Variants in CDHR3 observed in about 807,000 individuals in gnomAD.
The protein encoded by CDHR3 is cadherin-related family member 3.
A neutral mutation model predicts 86.6 loss-of-function variants in CDHR3; 79 were observed. That is an observed-to-expected ratio of 0.91 (90% confidence interval 0.76 to 1.10). CDHR3 has a LOEUF of 1.10. Among genes scored for constraint, CDHR3 ranks in the 50% least tolerant of loss-of-function variants. CDHR3 has a pLI of 0.00. For synonymous variants in CDHR3, 421 were observed against 402.4 expected (o/e 1.05, Z -0.55); for missense variants, 1,081 against 1,077.6 (o/e 1.00, Z -0.04).
At chr7:106,004,710 G>A (rs1268104817) in intron 8 of CDHR3, 23 bp downstream of exon 8, 1 of 1,612,976 alleles carries the variant, frequency 6.2e-7, no homozygotes, top group Non-Finnish European at 8.5e-7. Context: ...TGAAAGTTGG[G>A]CTGGACATTC....
chr7:106,022,509 T>C lies in CDHR3; in HGVS notation c.2076+61T>C, dbSNP rs1002879952. 1.3e-5 allele frequency: 20 copies of C among 1,575,626 alleles called. No individual in the cohort carries two copies. The Middle Eastern group carries it at 3.1e-3, about 245-fold the overall frequency. On this transcript the variant is annotated intron_variant, in intron 14 of 18. Transcript: ENST00000317716. ...TCCCTTGTGAGTTATGTTGATGGAC[T>C]TCTTTCCCCGGCCTGGAGGTATGTG...
chr7:106,026,591 C>A, intron 15 of CDHR3, 91 bp from the exon 16 acceptor site: 1 of 1,343,038 alleles, frequency 7.4e-7, no homozygotes, highest in Non-Finnish European at 1.1e-6. Flanking sequence ...TCTCAAAGGG[C>A]ATAGTTGCCC....
At chr7:106,026,640 T>C (rs911369551) in intron 15 of CDHR3, 42 bp from the exon 16 acceptor site, 1 of 1,610,144 alleles carries the variant, frequency 6.2e-7, no homozygotes, top group African/African-American at 1.3e-5. Context: ...CAGTGCAGCA[T>C]ACTTTCAAGT....
intron 4 of CDHR3, among the ~76,000 whole-genome samples, chr7:105,988,904 G>A (rs930013196): frequency 6.6e-6 from 1 of 152,146 alleles, no homozygotes; most frequent in African/African-American, 2.4e-5. Context: ...GAGATATTTT[G>A]CCTTCTTTTT....
Position 106,020,429 on chromosome 7 carries a change from T to C in CDHR3, c.1710T>C (p.Ser570=). 1 of 1,613,988 alleles carries C rather than the reference T, an allele frequency of 6.2e-7. No homozygotes were observed. Among genetic ancestry groups the C allele is most frequent in the South Asian group, 1.1e-5 (1 of 91,080 alleles). ...AAAAGCCAATTTGTACTCCAAACTC[T>C]TATTTCCTGGCCCTCCCAGTGGATC... ...NDEKPICTPN[S]YFLALPVDLK... is the part of the protein sequence containing the mutation. Residue 570 remains serine, a synonymous_variant, in exon 13 of 19, where the codon TCT becomes TCC. Coordinates refer to ENST00000317716, the MANE Select transcript of CDHR3 (RefSeq NM_152750.5).
chr7:105,998,955 G>T (rs1385072686), intron 6 of CDHR3, among the ~76,000 whole-genome samples: 1 of 152,080 alleles, frequency 6.6e-6, no homozygotes, highest in East Asian at 1.9e-4. Flanking sequence ...TTTCCACCTG[G>T]TGCTTGGCAG....
At chr7:105,973,439 G>A (rs886180714) in intron 1 of CDHR3, among the ~76,000 whole-genome samples, 1 of 152,158 alleles carries the variant, frequency 6.6e-6, no homozygotes, top group Non-Finnish European at 1.5e-5. Flanking sequence ...GGTTCCTGCT[G>A]GGGGCTCTGA....
chr7:106,001,473 T>G lies in CDHR3; in HGVS notation c.725T>G (p.Val242Gly), dbSNP rs772962656. The part of the protein sequence containing the change: ...EVPRFTSPTR[V>G]YTVLEELSPG... ...TATCTCTGTTCCAGCCCGACACGAGTGTACACAGTCCTGGAGGAACTGAGT... is the reference window on the plus strand; with the variant it reads ...TATCTCTGTTCCAGCCCGACACGAGGGTACACAGTCCTGGAGGAACTGAGT... The change falls in exon 7 of 19, where the codon GTG (valine) becomes GGG (glycine). Residue 242 changes from valine (V) to glycine (G), a missense_variant. Transcript: ENST00000317716. The G allele has an allele frequency of 6.2e-7, 1 of 1,613,954 alleles. No individual in the cohort carries two copies. The highest frequency in any genetic ancestry group is 2.2e-5 in the East Asian group (1 of 44,874).
chr7:105,967,317 G>T (rs891225435), intron 1 of CDHR3, among the ~76,000 whole-genome samples: 87 of 152,234 alleles, frequency 5.7e-4, no homozygotes, highest in African/African-American at 2.0e-3. Context: ...AGTATTCCAT[G>T]GTGTATATGT....
At position 106,030,189 on chromosome 7, in the gene CDHR3, T is replaced by C. The variant is rs1056944936; in HGVS notation, c.2305-603T>C. On this transcript the variant is annotated intron_variant, in intron 17 of 18. Transcript: ENST00000317716. The surrounding 1 kb of genome is among the most constrained non-coding windows in gnomAD (Gnocchi z 4.8). ...CTATGGGGACAAGGGACAGGTGCATTAGGCAGAAGTCAGGTCCTGGAGGGT... is the reference window on the plus strand; with the variant it reads ...CTATGGGGACAAGGGACAGGTGCATCAGGCAGAAGTCAGGTCCTGGAGGGT... Among the ~76,000 whole-genome samples the C allele has an allele frequency of 6.6e-6, 1 of 152,152 alleles. No individual in the cohort carries two copies. The highest frequency in any genetic ancestry group is 1.5e-5 in the Non-Finnish European group (1 of 68,004).
At chr7:106,027,081 G>C (rs1168128203) in intron 16 of CDHR3, among the ~76,000 whole-genome samples, 1 of 152,170 alleles carries the variant, frequency 6.6e-6, no homozygotes. Context: ...AATGCTTTGT[G>C]CTGGACACAG....
intron 16 of CDHR3, 144 bp downstream of exon 16, chr7:106,026,839 C>A: frequency 1.1e-6 from 1 of 877,874 alleles, no homozygotes; most frequent in Non-Finnish European, 1.9e-6. Flanking sequence ...TGGAAGGAAG[C>A]GGAGGTCGGT....
intron 8 of CDHR3, among the ~76,000 whole-genome samples, chr7:106,007,253 G>T (rs1357677516): frequency 1.3e-5 from 2 of 152,196 alleles, no homozygotes; most frequent in African/African-American, 4.8e-5. Context: ...TTCCACAGAG[G>T]TCTCTGACAT....
intron 1 of CDHR3, among the ~76,000 whole-genome samples, chr7:105,971,606 T>C (rs1827991010): frequency 6.6e-6 from 1 of 152,154 alleles, no homozygotes. Context: ...AAAGTTATGA[T>C]CAATTCAAGA....
rs760061057 is a variant in CDHR3 at position 106,004,667 on chromosome 7, A to G, written c.1032A>G (p.Thr344=). 5.6e-6 allele frequency: 9 copies of G among 1,613,934 alleles called. No homozygotes were observed. Among genetic ancestry groups the G allele is most frequent in the Admixed American group, 1.7e-5 (1 of 60,012 alleles). ...AAGACGTCAACGACAATCCTGCCAC[A>G]TGCCAAAAGTTCACCTTCAGGTATG... ...IVEDVNDNPA[T]CQKFTFSIMV... Residue 344 remains threonine, a synonymous_variant, in exon 8 of 19, where the codon ACA becomes ACG. Transcript: ENST00000317716.
chr7:105,997,038 A>C (rs1832354744), intron 6 of CDHR3, among the ~76,000 whole-genome samples: 1 of 152,208 alleles, frequency 6.6e-6, no homozygotes, highest in Admixed American at 6.5e-5. Context: ...AGCCTGGCAT[A>C]CTGCTTACAG....
At chr7:105,988,461 G>A (rs1274915380) in intron 4 of CDHR3, among the ~76,000 whole-genome samples, 1 of 152,224 alleles carries the variant, frequency 6.6e-6, no homozygotes, top group Non-Finnish European at 1.5e-5. Context: ...GGGTCCACGA[G>A]TCACCCTGCT....
intron 4 of CDHR3, among the ~76,000 whole-genome samples, chr7:105,991,454 T>A (rs1267736177): frequency 6.6e-6 from 1 of 152,240 alleles, no homozygotes; most frequent in Non-Finnish European, 1.5e-5. Flanking sequence ...AAAATTCTCA[T>A]GTGCCTAGTT....
chr7:105,964,669 A>C (rs1305446353), intron 1 of CDHR3, among the ~76,000 whole-genome samples: 3 of 152,260 alleles, frequency 2.0e-5, no homozygotes, highest in African/African-American at 4.8e-5. Flanking sequence ...TAAATGTAAG[A>C]ATATTCAAGT....
Sources: allele counts gnomAD v4.1 joint callset (sites outside exome capture counted in the v4.1 genomes callset), GRCh38; gene constraint gnomAD v4.1.1; non-coding constraint Gnocchi (gnomAD v3.1); transcripts MANE v1.5; gene names NCBI Gene and HGNC (gene_info 2026-07-23, HGNC 2026-07-21).